The following CHN2 variants were observed in gnomAD, a reference collection of about 807,000 sequenced individuals.
CHN2 encodes the protein chimerin 2, also known as beta-chimaerin.
In CHN2, 35 loss-of-function variants were observed where a neutral mutation model predicts 56.3. The ratio of observed to expected loss-of-function variants is 0.62; its 90% CI spans 0.47 to 0.82. CHN2 has a LOEUF of 0.82. Ranked by LOEUF, CHN2 falls within the 40% of genes least tolerant of loss-of-function variation. The pLI is 0.00. For missense variants in CHN2, 491 were observed against 580.5 expected (o/e 0.85, Z 1.58); for synonymous variants, 210 against 212.8 (o/e 0.99, Z 0.12).
At chr7:29,300,921 T>A (rs981173951) in intron 1 of CHN2, among the ~76,000 whole-genome samples, 4 of 152,236 alleles carry the variant, frequency 2.6e-5, no homozygotes, top group Admixed American at 1.3e-4. Flanking sequence ...CAATATTTTT[T>A]AAATGTGTTT....
intron 5 of CHN2, 152 bp downstream of exon 5, chr7:29,398,638 C>T: frequency 1.6e-6 from 1 of 613,920 alleles, no homozygotes; most frequent in Non-Finnish European, 2.9e-6. Flanking sequence ...ACTCTCTCAC[C>T]CAGGCTGGAG....
Position 29,473,486 on chromosome 7 carries a change from G to GTGTGTGTGTT in CHN2, c.577-6784_577-6783insTTGTGTGTGT, listed in dbSNP as rs1585522985. Among the ~76,000 whole-genome samples, 42 of 68,016 alleles carry GTGTGTGTGTT rather than the reference G, an allele frequency of 6.2e-4. No homozygotes were observed. The South Asian group carries it at 0.012, about 20-fold the overall frequency. The allele number at this position is 68,016 out of a possible 152,430, so 44.6% of individuals were successfully genotyped here. A position where few individuals can be genotyped will look rare whatever the true frequency, so the allele number is the denominator to read the frequency against. ...TGTGTTTGTGTTTTTTTTTTTTTGT[G>GTGTGTGTGTT]TGTGTGTGTGTGTGTGTGTGTTCTA... On this transcript the variant is annotated intron_variant, in intron 6 of 12. Transcript: ENST00000222792.
chr7:29,244,086 C>T (rs1200853462), intron 1 of CHN2, among the ~76,000 whole-genome samples: 1 of 152,170 alleles, frequency 6.6e-6, no homozygotes, highest in Non-Finnish European at 1.5e-5. Flanking sequence ...AGTTTTAAGT[C>T]TGTGGGTTAA....
chr7:29,334,816 T>G (rs1419983904), intron 1 of CHN2, among the ~76,000 whole-genome samples: 1 of 152,166 alleles, frequency 6.6e-6, no homozygotes, highest in Non-Finnish European at 1.5e-5. Flanking sequence ...CTCTGTCCCC[T>G]AAGTGTAACG....
At position 29,374,777 on chromosome 7, in the gene CHN2, C is replaced by T. The variant is rs73305047; in HGVS notation, c.144+6790C>T. ...GTTTCCGGAGAAGATTCTTCAATCT[C>T]TCTGGGTGATTTTTATTTCTTTATT... is the stretch of plus-strand genomic sequence containing the variant. On this transcript the variant is annotated intron_variant, in intron 3 of 12. Coordinates refer to ENST00000222792, the MANE Select transcript of CHN2 (RefSeq NM_004067.4). 7.8e-3 allele frequency among the ~76,000 whole-genome samples: 1,119 copies of T among 142,920 alleles called. 10 individuals are homozygous for T. Among genetic ancestry groups the T allele is most frequent in the African/African-American group, 0.027 (1,074 of 40,128 alleles). The allele number at this position is 142,920 out of a possible 152,430, so 93.8% of individuals were successfully genotyped here.
intron 1 of CHN2, among the ~76,000 whole-genome samples, chr7:29,268,291 C>CACACACAT (rs1174342314): frequency 2.8e-4 from 42 of 147,402 alleles, no homozygotes; most frequent in African/African-American, 1.1e-3. Flanking sequence ...AGAACACACA[C>CACACACAT]ACACACACAC....
At chr7:29,262,463 A>G (rs996275328) in intron 1 of CHN2, among the ~76,000 whole-genome samples, 1 of 152,250 alleles carries the variant, frequency 6.6e-6, no homozygotes, top group Non-Finnish European at 1.5e-5. Context: ...GAGTTAAATT[A>G]TATCAGGATT....
At chr7:29,433,841 CA>C (rs1198304327) in intron 6 of CHN2, among the ~76,000 whole-genome samples, 1,363 of 80,302 alleles carry the variant, frequency 0.017, 6 homozygotes, top group Non-Finnish European at 0.024. Context: ...TCCATCTAAA[CA>C]AAAAAAAAAA....
intron 10 of CHN2, 87 bp downstream of exon 10, chr7:29,504,908 T>G: frequency 1.1e-6 from 1 of 890,152 alleles, no homozygotes; most frequent in Non-Finnish European, 1.8e-6. Context: ...GAAATGGGGT[T>G]TCAGAACTAC....
chr7:29,300,353 C>T (rs1793564430), intron 1 of CHN2, among the ~76,000 whole-genome samples: 1 of 152,026 alleles, frequency 6.6e-6, no homozygotes, highest in Admixed American at 6.5e-5. Context: ...CAGGACTTGG[C>T]CATTAGTGAC....
At chr7:29,207,691 T>A (rs1473644467) in intron 1 of CHN2, among the ~76,000 whole-genome samples, 3 of 152,214 alleles carry the variant, frequency 2.0e-5, no homozygotes, top group Non-Finnish European at 4.4e-5. Context: ...CAGTGATGTG[T>A]CTGTGGCTGC....
chr7:29,386,668 T>G (rs1800940209), intron 3 of CHN2, among the ~76,000 whole-genome samples: 1 of 152,172 alleles, frequency 6.6e-6, no homozygotes, highest in African/African-American at 2.4e-5. Flanking sequence ...TACTGTTCTT[T>G]GGAGCTTGGC....
upstream of CHN2, chr7:29,191,963 T>C (rs1455774203): frequency 6.6e-6 from 1 of 152,228 alleles, no homozygotes; most frequent in East Asian, 1.9e-4. Context: ...CTCCTGAATC[T>C]AAGAAGGATG....
chr7:29,211,228 G>A (rs1393753894), intron 1 of CHN2, among the ~76,000 whole-genome samples: 1 of 150,830 alleles, frequency 6.6e-6, no homozygotes, highest in Non-Finnish European at 1.5e-5. Flanking sequence ...CTGCCACCAT[G>A]CCCAGCTAAT....
At chr7:29,294,162 G>A (rs1452581871) in intron 1 of CHN2, among the ~76,000 whole-genome samples, 4 of 152,090 alleles carry the variant, frequency 2.6e-5, no homozygotes, top group Non-Finnish European at 4.4e-5. Context: ...CACGGCGCCC[G>A]GCCTGAGGGT....
intron 1 of CHN2, among the ~76,000 whole-genome samples, chr7:29,205,173 G>C (rs559482524): frequency 8.5e-5 from 13 of 152,284 alleles, no homozygotes; most frequent in South Asian, 2.1e-4. Flanking sequence ...GTTTCAGCTT[G>C]TGCTCCTTCT....
chr7:29,438,060 G>A (rs1783371847), intron 6 of CHN2, among the ~76,000 whole-genome samples: 1 of 152,178 alleles, frequency 6.6e-6, no homozygotes, highest in Non-Finnish European at 1.5e-5. Flanking sequence ...GTAGATTTGA[G>A]AGTGGAACAT....
At chr7:29,210,855 C>A (rs1784862329) in intron 1 of CHN2, among the ~76,000 whole-genome samples, 1 of 151,930 alleles carries the variant, frequency 6.6e-6, no homozygotes, top group Admixed American at 6.6e-5. Flanking sequence ...GCTGCAGAGT[C>A]CCAATGCGAG....
chr7:29,189,170 C>T (rs753157572), intron 2 of CHN2, among the ~76,000 whole-genome samples: 1 of 151,916 alleles, frequency 6.6e-6, no homozygotes. Flanking sequence ...AGGCTGGTCT[C>T]GAACTCCTGA....
Sources: allele counts gnomAD v4.1 joint callset (sites outside exome capture counted in the v4.1 genomes callset), GRCh38; gene constraint gnomAD v4.1.1; transcripts MANE v1.5; gene names NCBI Gene and HGNC (gene_info 2026-07-23, HGNC 2026-07-21).